The following GRIK2 variants were observed in gnomAD, a reference collection of about 807,000 sequenced individuals.
GRIK2 encodes the protein glutamate ionotropic receptor kainate type subunit 2, also known as glutamate receptor ionotropic, kainate 2.
A neutral mutation model predicts 100.3 loss-of-function variants in GRIK2; 32 were observed. That is an observed-to-expected ratio of 0.32 (90% CI 0.24 to 0.43). The LOEUF (loss-of-function observed/expected upper bound fraction) is 0.43, where lower values mean the gene tolerates loss of function less well. Among genes scored for constraint, GRIK2 ranks in the 20% least tolerant of loss-of-function variants. GRIK2 has a pLI of 1.00. For synonymous variants in GRIK2, 417 were observed against 389.4 expected, an observed-to-expected ratio of 1.07 and a Z score of -0.83; for missense variants, 843 against 1,114.9, an observed-to-expected ratio of 0.76 and a Z score of 3.47.
intron 5 of GRIK2, among the ~76,000 whole-genome samples, chr6:101,678,750 C>T (rs76483961): frequency 0.01 from 1,532 of 152,272 alleles, 14 homozygotes; most frequent in Non-Finnish European, 0.014. Context: ...GAGCTTTCAG[C>T]TAGTCTGGCT....
intron 9 of GRIK2, among the ~76,000 whole-genome samples, chr6:101,812,662 AGAGAT>A (rs1208686584): frequency 6.6e-6 from 1 of 152,038 alleles, no homozygotes; most frequent in East Asian, 1.9e-4. Context: ...TTTACTAGAC[AGAGAT>A]AAGTAAACAG....
rs762281153 is a variant in GRIK2, at chr6:101,451,697, G to C, written c.115+52305G>C. ...TGAGAGCCCATTATTTATCTCTGAG[G>C]GGGGGGGGGGTGCCAAATACCTCCC... On this transcript the variant is annotated intron_variant, in intron 2 of 16. Transcript: ENST00000369134. 8.6e-4 allele frequency among the ~76,000 whole-genome samples: 40 copies of C among 46,624 alleles called. 1 individual carries two copies. The highest frequency in any genetic ancestry group is 1.5e-3 in the Non-Finnish European group (34 of 23,222). The allele number at this position is 46,624 out of a possible 152,430, so 30.6% of individuals were successfully genotyped here. A position where few individuals can be genotyped will look rare whatever the true frequency, so the allele number is the denominator to read the frequency against.
At chr6:101,777,122 C>A (rs1016882797) in intron 7 of GRIK2, among the ~76,000 whole-genome samples, 3 of 152,212 alleles carry the variant, frequency 2.0e-5, no homozygotes, top group Admixed American at 2.0e-4. Context: ...CAGAGTAATA[C>A]AAAGAGCCAG....
At chr6:101,890,756 A>G (rs1786999362) in intron 12 of GRIK2, among the ~76,000 whole-genome samples, 1 of 152,006 alleles carries the variant, frequency 6.6e-6, no homozygotes, top group African/African-American at 2.4e-5. Flanking sequence ...CAACTGATAG[A>G]TTGTGTCAAT....
chr6:101,909,388 T>TTTTTTG (rs1265630833), intron 12 of GRIK2, among the ~76,000 whole-genome samples: 7 of 144,526 alleles, frequency 4.8e-5, no homozygotes, highest in East Asian at 4.0e-4. Flanking sequence ...TTTTCTTTTT[T>TTTTTTG]TTTTTTTTAA....
At chr6:101,878,454 G>A (rs1310683303) in intron 11 of GRIK2, among the ~76,000 whole-genome samples, 1 of 151,678 alleles carries the variant, frequency 6.6e-6, no homozygotes, top group African/African-American at 2.4e-5. Flanking sequence ...TACATGGGAG[G>A]CCATGAGAAA....
chr6:101,911,774 CA>C (rs1365784313), intron 12 of GRIK2, among the ~76,000 whole-genome samples: 4 of 151,418 alleles, frequency 2.6e-5, no homozygotes, highest in Admixed American at 1.3e-4. Flanking sequence ...CTAATATGAT[CA>C]TTTTTCAGGG....
intron 14 of GRIK2, among the ~76,000 whole-genome samples, chr6:101,937,378 G>A (rs1790681847): frequency 6.6e-6 from 1 of 152,106 alleles, no homozygotes; most frequent in Non-Finnish European, 1.5e-5. Context: ...CAGGGAGTGA[G>A]AAAACTCAAA....
At chr6:101,610,595 A>G (rs993934341) in intron 2 of GRIK2, among the ~76,000 whole-genome samples, 1 of 151,840 alleles carries the variant, frequency 6.6e-6, no homozygotes, top group Non-Finnish European at 1.5e-5. Context: ...CAGAATCATT[A>G]TTCTTCCACA....
intron 12 of GRIK2, among the ~76,000 whole-genome samples, chr6:101,915,180 T>C (rs1369046840): frequency 6.6e-6 from 1 of 151,414 alleles, no homozygotes; most frequent in Non-Finnish European, 1.5e-5. Context: ...TTAAGTAATA[T>C]GGATAATTTA....
chr6:101,471,793 T>A (rs1771959898), intron 2 of GRIK2, among the ~76,000 whole-genome samples: 1 of 151,972 alleles, frequency 6.6e-6, no homozygotes, highest in Non-Finnish European at 1.5e-5. Context: ...AGCATAAACA[T>A]GTCTGTAAGT....
intron 11 of GRIK2, among the ~76,000 whole-genome samples, chr6:101,877,920 C>T (rs1190928727): frequency 6.6e-6 from 1 of 151,474 alleles, no homozygotes; most frequent in Non-Finnish European, 1.5e-5. Context: ...AATCTCCCTC[C>T]ACTCTTTATT....
intron 2 of GRIK2, among the ~76,000 whole-genome samples, chr6:101,577,620 T>C (rs1442578827): frequency 3.3e-5 from 5 of 152,050 alleles, no homozygotes; most frequent in African/African-American, 1.2e-4. Context: ...GTACACATAG[T>C]GGATCTGTTT....
intron 7 of GRIK2, among the ~76,000 whole-genome samples, chr6:101,776,566 A>T (rs1161725723): frequency 6.6e-6 from 1 of 152,188 alleles, no homozygotes; most frequent in Non-Finnish European, 1.5e-5. Flanking sequence ...ACTGAAGACT[A>T]GAAAAAATAA....
chr6:101,786,659 T>G (rs1239301855), intron 7 of GRIK2, among the ~76,000 whole-genome samples: 2 of 152,108 alleles, frequency 1.3e-5, no homozygotes, highest in African/African-American at 4.8e-5. Context: ...CATGTTGTAG[T>G]ACCTTTTGGA....
At position 101,623,309 on chromosome 6, in the gene GRIK2, T is replaced by C. The variant is rs532456381; in HGVS notation, c.283+1193T>C. On this transcript the variant is annotated intron_variant, in intron 3 of 16. Transcript: ENST00000369134. ...CATGCCCTTTGAATTCATATCTTTA[T>C]GAATACAAATAAGTTTCCACATTTC... 4.3e-4 allele frequency among the ~76,000 whole-genome samples: 65 copies of C among 152,212 alleles called. 2 individuals carry two copies. The highest frequency in any genetic ancestry group is 3.2e-4 in the Non-Finnish European group (22 of 67,956).
intron 2 of GRIK2, among the ~76,000 whole-genome samples, chr6:101,474,754 G>A (rs532183625): frequency 6.6e-6 from 1 of 151,612 alleles, no homozygotes; most frequent in South Asian, 2.1e-4. Flanking sequence ...TACTTTGTTA[G>A]CTACGCAAGT....
chr6:101,685,905 C>T (rs1332272945), intron 6 of GRIK2, among the ~76,000 whole-genome samples: 1 of 152,006 alleles, frequency 6.6e-6, no homozygotes, highest in Non-Finnish European at 1.5e-5. Flanking sequence ...AAAGCTATTG[C>T]AAATCTTAGA....
At chr6:101,755,290 C>G (rs78919572) in intron 7 of GRIK2, among the ~76,000 whole-genome samples, 3,066 of 151,576 alleles carry the variant, frequency 0.02, 110 homozygotes, top group African/African-American at 0.071. Flanking sequence ...CATCAGCCTC[C>G]CGAGTGGCTG....
Sources: allele counts gnomAD v4.1 joint callset (sites outside exome capture counted in the v4.1 genomes callset), GRCh38; gene constraint gnomAD v4.1.1; transcripts MANE v1.5; gene names NCBI Gene and HGNC (gene_info 2026-07-23, HGNC 2026-07-21).